The following DPP4 variants were observed in gnomAD, a reference collection of about 807,000 sequenced individuals.
DPP4 encodes the protein dipeptidyl peptidase 4, also known as ADCP-2.
Under a neutral mutation model 122.4 loss-of-function variants are expected in DPP4, and 93 were observed. The ratio of observed to expected loss-of-function variants is 0.76; its 90% CI spans 0.64 to 0.90. The LOEUF (loss-of-function observed/expected upper bound fraction) is 0.90, where lower values mean the gene tolerates loss of function less well. Among genes scored for constraint, DPP4 ranks in the 40% least tolerant of loss-of-function variants. DPP4 has a pLI of 0.00. For synonymous variants in DPP4, 321 were observed against 302.9 expected (o/e 1.06, Z -0.62); for missense variants, 914 against 907.3 (o/e 1.01, Z -0.09).
intron 11 of DPP4, among the ~76,000 whole-genome samples, chr2:162,023,917 G>T (rs1683225066): frequency 6.6e-6 from 1 of 152,154 alleles, no homozygotes; most frequent in African/African-American, 2.4e-5. Context: ...TTGGGGGCAG[G>T]CATGCTGACT....
At chr2:162,045,924 G>C (rs1170705176) in intron 4 of DPP4, among the ~76,000 whole-genome samples, 1 of 152,192 alleles carries the variant, frequency 6.6e-6, no homozygotes, top group East Asian at 1.9e-4. Context: ...AAAGGACGTG[G>C]ATGTTTAGAG....
At chr2:162,072,371 CA>C (rs781223947) in intron 2 of DPP4, among the ~76,000 whole-genome samples, 25 of 152,220 alleles carry the variant, frequency 1.6e-4, no homozygotes, top group Non-Finnish European at 3.1e-4. Flanking sequence ...CTGGTTTCTT[CA>C]AATTTCATTA....
At chr2:162,030,994 A>G (rs1271953033) in intron 10 of DPP4, among the ~76,000 whole-genome samples, 1 of 152,210 alleles carries the variant, frequency 6.6e-6, no homozygotes, top group Non-Finnish European at 1.5e-5. Flanking sequence ...TGCCTTGGAA[A>G]CGGATCTGTA....
At chr2:162,034,198 A>G (rs1050811653) in intron 9 of DPP4, among the ~76,000 whole-genome samples, 1 of 152,038 alleles carries the variant, frequency 6.6e-6, no homozygotes, top group African/African-American at 2.4e-5. Context: ...TTTACAATCA[A>G]TATTATGACT....
intron 19 of DPP4, among the ~76,000 whole-genome samples, chr2:162,012,312 T>C (rs1682731884): frequency 6.6e-6 from 1 of 151,854 alleles, no homozygotes; most frequent in Admixed American, 6.6e-5. Flanking sequence ...GGGGGAGTTG[T>C]GGTATAAAAA....
At chr2:162,031,700 T>C (rs1172839329) in intron 10 of DPP4, among the ~76,000 whole-genome samples, 2 of 152,178 alleles carry the variant, frequency 1.3e-5, no homozygotes, top group East Asian at 1.9e-4. Flanking sequence ...GAAAACCCCA[T>C]GTTCTCCTCC....
chr2:162,019,378 G>T, intron 14 of DPP4, 102 bp from the exon 15 acceptor site: 1 of 740,140 alleles, frequency 1.4e-6, no homozygotes, highest in Non-Finnish European at 2.1e-6. Context: ...CACGGAGCGC[G>T]CGCACGGGTG....
At chr2:162,071,503 G>T (rs138658874) in intron 2 of DPP4, among the ~76,000 whole-genome samples, 1 of 152,142 alleles carries the variant, frequency 6.6e-6, no homozygotes, top group Non-Finnish European at 1.5e-5. Flanking sequence ...TTATCCGGGC[G>T]TGGTGGTGTG....
rs775495576 is a variant in DPP4, at chr2:162,017,122, C to T, written c.1454G>A (p.Ser485Asn). Residue 485 changes from serine (S) to asparagine (N), a missense_variant, in exon 17 of 26, where the codon AGC becomes AAC. Ser to Asn is a conservative substitution (Grantham distance 46). Transcript: ENST00000360534. ...PGLPLYTLHS[S>N]VNDKGLRVLE... ...TGAGAAAATACCTTTATCATTCACG[C>T]TGCTGTGTAGAGTATAGAGGGGCAG... 6 of 1,612,216 alleles carry T rather than the reference C, an allele frequency of 3.7e-6. No homozygotes were observed. The East Asian group carries it at 1.3e-4, about 36-fold the overall frequency.
At chr2:162,047,571 C>A in intron 2 of DPP4, 70 bp from the exon 3 acceptor site, 1 of 1,054,366 alleles carries the variant, frequency 9.5e-7, no homozygotes, top group Non-Finnish European at 1.4e-6. Flanking sequence ...ATAAAATAAA[C>A]AAATGGATCT....
intron 10 of DPP4, among the ~76,000 whole-genome samples, chr2:162,030,272 G>C (rs1022709493): frequency 1.3e-5 from 2 of 152,202 alleles, no homozygotes; most frequent in South Asian, 4.1e-4. Flanking sequence ...AGGCAGCAGG[G>C]AGACTCACCC....
rs142458948 is a variant in DPP4 at position 162,045,419 on chromosome 2, G to A, written c.366+113C>T. ...TGATTCTGAATTAATGAGTTTTAGT[G>A]CCTATTACATTACTTAGATATTAAT... On this transcript the variant is annotated intron_variant, in intron 5 of 25. Coordinates refer to ENST00000360534, the MANE Select transcript of DPP4 (RefSeq NM_001935.4). 8.7e-5 allele frequency: 64 copies of A among 737,436 alleles called. No individual in the cohort carries two copies. The African/African-American group carries it at 9.4e-4, about 11-fold the overall frequency. 45.7% of individuals were successfully genotyped at this position (737,436 alleles called of 1,614,324 possible).
chr2:162,051,798 G>T (rs1684392455), intron 2 of DPP4, among the ~76,000 whole-genome samples: 2 of 152,194 alleles, frequency 1.3e-5, no homozygotes, highest in South Asian at 4.1e-4. Context: ...CATCTCCATA[G>T]ATTCAACAAA....
chr2:161,995,389 G>A lies in DPP4; in HGVS notation c.2053-17C>T, dbSNP rs201556961. The A allele has an allele frequency of 2.1e-5, 34 of 1,605,556 alleles. 1 individual carries two copies. In the Admixed American group the frequency reaches 5.2e-4, roughly 24 times the overall value. On this transcript the variant is annotated splice_polypyrimidine_tract_variant and intron_variant, in intron 23 of 25. Coordinates refer to ENST00000360534, the MANE Select transcript of DPP4 (RefSeq NM_001935.4). ...TGTTGAATTCTGGAATTGGGAGAAA[G>A]AATGTCATTATTCAAAAAAGGATCT...
intron 2 of DPP4, among the ~76,000 whole-genome samples, chr2:162,054,312 A>G: frequency 6.6e-6 from 1 of 152,206 alleles, no homozygotes; most frequent in Non-Finnish European, 1.5e-5. Context: ...CCTCAGGGTG[A>G]AACTTACCTT....
At chr2:162,006,308 T>G (rs369792634) in intron 22 of DPP4, among the ~76,000 whole-genome samples, 2 of 152,194 alleles carry the variant, frequency 1.3e-5, no homozygotes, top group East Asian at 1.9e-4. Flanking sequence ...TGATTTATGA[T>G]CATCTATTTC....
At chr2:162,041,658 C>T (rs989606185) in intron 5 of DPP4, among the ~76,000 whole-genome samples, 3 of 152,228 alleles carry the variant, frequency 2.0e-5, no homozygotes, top group African/African-American at 7.2e-5. Flanking sequence ...TCACTAAAGC[C>T]AAAAGGTGTG....
intron 8 of DPP4, among the ~76,000 whole-genome samples, chr2:162,036,479 A>G (rs191998269): frequency 6.6e-6 from 1 of 152,328 alleles, no homozygotes; most frequent in East Asian, 1.9e-4. Context: ...ATAAAGTGAG[A>G]CAAGCTTGAA....
chr2:162,017,893 C>T (rs943849218), intron 16 of DPP4, among the ~76,000 whole-genome samples: 1 of 152,146 alleles, frequency 6.6e-6, no homozygotes, highest in African/African-American at 2.4e-5. Flanking sequence ...CTTAGGACAA[C>T]AGAACTGTGC....
Sources: gnomAD v4.1 joint callset for allele counts (sites outside exome capture counted in the v4.1 genomes callset) on GRCh38, gnomAD v4.1.1 for gene constraint, MANE v1.5 for transcripts, NCBI Gene and HGNC (gene_info 2026-07-23, HGNC 2026-07-21) for gene names.